CCSER2: variants seen among roughly 807,000 people sequenced by gnomAD.
The protein encoded by CCSER2 is serine-rich coiled-coil domain-containing protein 2.
In CCSER2, 46 loss-of-function variants were observed where a neutral mutation model predicts 92.3. The observed-to-expected ratio is 0.50, with a 90% confidence interval of 0.39 to 0.64. CCSER2 has a LOEUF of 0.64. Ranked by LOEUF, CCSER2 falls within the 30% of genes least tolerant of loss-of-function variation. The pLI is 0.00. For synonymous variants in CCSER2, 433 were observed against 431.4 expected (o/e 1.00, Z -0.04); for missense variants, 1,244 against 1,238.9 (o/e 1.00, Z -0.06).
Position 84,502,313 on chromosome 10 carries a change from T to C in CCSER2, c.2326-11136T>C, listed in dbSNP as rs116661399. On this transcript the variant is annotated intron_variant, in intron 9 of 9. Transcript: ENST00000372088. ...GAGAGGTTGATTGTGCTTAAGAAGATAGTTGAGAGATTTCTCCAGTATAAT... is the reference window on the plus strand; with the variant it reads ...GAGAGGTTGATTGTGCTTAAGAAGACAGTTGAGAGATTTCTCCAGTATAAT... Among the ~76,000 whole-genome samples the C allele has an allele frequency of 7.0e-3, 1,064 of 151,594 alleles. 11 individuals carry two copies. Among genetic ancestry groups the C allele is most frequent in the African/African-American group, 0.024 (1,001 of 41,384 alleles).
chr10:84,439,547 C>T (rs1844400114), intron 6 of CCSER2, among the ~76,000 whole-genome samples: 1 of 152,214 alleles, frequency 6.6e-6, no homozygotes, highest in African/African-American at 2.4e-5. Flanking sequence ...TATATGCACA[C>T]GAAAGGCTAG....
intron 3 of CCSER2, among the ~76,000 whole-genome samples, chr10:84,395,437 GT>G (rs767901089): frequency 1.7e-3 from 253 of 152,260 alleles, no homozygotes; most frequent in Non-Finnish European, 2.5e-3. Flanking sequence ...AGTTGTTGAA[GT>G]TGCTATTCTG....
At chr10:84,501,460 G>A (rs1238412106) in intron 9 of CCSER2, among the ~76,000 whole-genome samples, 4 of 151,966 alleles carry the variant, frequency 2.6e-5, no homozygotes, top group East Asian at 1.9e-4. Context: ...GCTGTAATAC[G>A]GAATTGAAGT....
At chr10:84,495,137 A>G (rs988792556) in intron 9 of CCSER2, among the ~76,000 whole-genome samples, 6 of 147,528 alleles carry the variant, frequency 4.1e-5, no homozygotes, top group African/African-American at 1.5e-4. Context: ...GCTGTTTCCT[A>G]TACATTATGT....
At chr10:84,489,255 C>G (rs182207327) in intron 9 of CCSER2, among the ~76,000 whole-genome samples, 65 of 151,986 alleles carry the variant, frequency 4.3e-4, no homozygotes, top group Non-Finnish European at 1.0e-4. Flanking sequence ...CTGTTAGGTC[C>G]GCTTGGTGCA....
At chr10:84,428,985 GTATATATATATATATATA>G (rs60243946) in intron 5 of CCSER2, among the ~76,000 whole-genome samples, 1 of 140,848 alleles carries the variant, frequency 7.1e-6, no homozygotes, top group Non-Finnish European at 1.5e-5. Context: ...GTGTGTATGT[GTATATATATATATATATA>G]TATATATATA....
At chr10:84,339,553 G>A (rs968512173) in intron 1 of CCSER2, among the ~76,000 whole-genome samples, 1 of 151,290 alleles carries the variant, frequency 6.6e-6, no homozygotes, top group East Asian at 1.9e-4. Flanking sequence ...TTGGCTCACC[G>A]CAACCTCTGT....
intron 4 of CCSER2, among the ~76,000 whole-genome samples, chr10:84,423,137 G>C (rs950938972): frequency 6.6e-6 from 1 of 151,116 alleles, no homozygotes; most frequent in African/African-American, 2.4e-5. Context: ...CTTCTCTATT[G>C]TTTCAGTTAT....
chr10:84,469,681 A>G (rs1846661561), intron 7 of CCSER2, among the ~76,000 whole-genome samples: 1 of 152,160 alleles, frequency 6.6e-6, no homozygotes, highest in African/African-American at 2.4e-5. Flanking sequence ...CTATAGGGTA[A>G]TGATTAACAC....
In CCSER2 at chr10:84,514,341, G is replaced by C; in HGVS notation, c.*74G>C. On this transcript the variant is annotated 3_prime_UTR_variant, in exon 10 of 10. Coordinates refer to ENST00000372088, the MANE Select transcript of CCSER2 (RefSeq NM_001284240.2). ...GTAATAGCTTTATGTGCAGCTTGCA[G>C]CTTGCTACTGTGGTGGAGGTTCCAT... is the stretch of plus-strand genomic sequence containing the variant. The C allele has an allele frequency of 9.6e-7, 1 of 1,046,876 alleles. No individual in the cohort carries two copies. The highest frequency in any genetic ancestry group is 1.7e-5 in the South Asian group (1 of 60,386). 64.8% of individuals were successfully genotyped at this position (1,046,876 alleles called of 1,614,324 possible).
At chr10:84,364,738 T>TTTTTTTG (rs1435111367) in intron 1 of CCSER2, among the ~76,000 whole-genome samples, 7 of 116,814 alleles carry the variant, frequency 6.0e-5, no homozygotes, top group Non-Finnish European at 5.8e-5. Flanking sequence ...ATTTTTGAAT[T>TTTTTTTG]TTTTTTTGTT....
At chr10:84,457,639 A>C in intron 6 of CCSER2, among the ~76,000 whole-genome samples, 1 of 90,224 alleles carries the variant, frequency 1.1e-5, no homozygotes, top group South Asian at 3.3e-4. Context: ...TATTATATAT[A>C]ATTATATATA....
chr10:84,428,964 AT>A (rs34587677), intron 5 of CCSER2, among the ~76,000 whole-genome samples: 1 of 136,274 alleles, frequency 7.3e-6, no homozygotes, highest in East Asian at 2.1e-4. Context: ...TTTGTTGAAG[AT>A]TTTTTTTGTG....
chr10:84,500,010 A>G (rs1400536897), intron 9 of CCSER2: 2 of 1,612,088 alleles, frequency 1.2e-6, no homozygotes, highest in East Asian at 2.2e-5. Flanking sequence ...CCTTCATGGT[A>G]TTTCCCTTCT....
At chr10:84,502,733 G>A (rs953677551) in intron 9 of CCSER2, among the ~76,000 whole-genome samples, 1 of 152,080 alleles carries the variant, frequency 6.6e-6, no homozygotes, top group African/African-American at 2.4e-5. Context: ...ATGGGGAGGC[G>A]AGGTAAAGCT....
intron 8 of CCSER2, among the ~76,000 whole-genome samples, chr10:84,471,663 A>T (rs1050332845): frequency 2.0e-5 from 3 of 152,152 alleles, no homozygotes; most frequent in African/African-American, 7.2e-5. Flanking sequence ...GATTAAAATG[A>T]ATGAGCGGTG....
chr10:84,421,292 T>G (rs576408545), intron 4 of CCSER2, among the ~76,000 whole-genome samples: 1 of 152,320 alleles, frequency 6.6e-6, no homozygotes, highest in African/African-American at 2.4e-5. Context: ...GGAGATTGTA[T>G]TAATCCATTC....
chr10:84,346,252 C>T (rs1057202418), intron 1 of CCSER2, among the ~76,000 whole-genome samples: 7 of 151,948 alleles, frequency 4.6e-5, no homozygotes, highest in South Asian at 2.1e-4. Context: ...TTAGTAGAGA[C>T]GGGGTTTCTC....
chr10:84,383,298 A>C (rs1841012765), intron 3 of CCSER2, among the ~76,000 whole-genome samples: 2 of 143,194 alleles, frequency 1.4e-5, no homozygotes, highest in South Asian at 4.4e-4. Flanking sequence ...AGATGCTTTG[A>C]TCTTTTTATT....
Sources: allele counts gnomAD v4.1 joint callset (sites outside exome capture counted in the v4.1 genomes callset), GRCh38; gene constraint gnomAD v4.1.1; transcripts MANE v1.5; gene names NCBI Gene and HGNC (gene_info 2026-07-23, HGNC 2026-07-21).